The following SND1 variants were observed in gnomAD, a reference collection of about 807,000 sequenced individuals.
SND1 encodes staphylococcal nuclease and tudor domain containing 1, also known as staphylococcal nuclease domain-containing protein 1.
Under a neutral mutation model 121.7 loss-of-function variants are expected in SND1, and 38 were observed. The observed-to-expected ratio is 0.31, with a 90% CI of 0.24 to 0.41. The LOEUF (loss-of-function observed/expected upper bound fraction) is 0.41. Among genes scored for constraint, SND1 ranks in the 10% least tolerant of loss-of-function variants. The pLI is 1.00. For missense variants in SND1, 868 were observed against 1,184.6 expected (o/e 0.73, Z 3.92); for synonymous variants, 401 against 447.4 (o/e 0.90, Z 1.31).
intron 5 of SND1, 65 bp from the exon 6 acceptor site, chr7:127,702,370 T>C (rs1015954156): frequency 2.1e-6 from 3 of 1,439,972 alleles, no homozygotes; most frequent in Non-Finnish European, 2.9e-6. Flanking sequence ...TGCAGTTTGA[T>C]TGGGCAGTGT....
chr7:127,758,781 C>T (rs768908428), intron 10 of SND1, among the ~76,000 whole-genome samples: 7 of 152,092 alleles, frequency 4.6e-5, no homozygotes, highest in South Asian at 2.1e-4. Context: ...AGGCTAGGCA[C>T]GGTGGCTCAT....
At chr7:127,920,417 A>G (rs1584666960) in intron 14 of SND1, among the ~76,000 whole-genome samples, 7 of 152,174 alleles carry the variant, frequency 4.6e-5, no homozygotes, top group Admixed American at 3.9e-4. Flanking sequence ...AGGAGGATGG[A>G]AGAACTCTTG....
chr7:127,991,402 CAG>C (rs920594845), intron 16 of SND1, among the ~76,000 whole-genome samples: 44 of 152,154 alleles, frequency 2.9e-4, no homozygotes, highest in African/African-American at 1.0e-3. Context: ...CTAACCCTGT[CAG>C]GGGCCAATTT....
intron 14 of SND1, among the ~76,000 whole-genome samples, chr7:127,927,842 G>T (rs1247794528): frequency 6.6e-6 from 1 of 152,192 alleles, no homozygotes; most frequent in Non-Finnish European, 1.5e-5. Context: ...AAATAGCTCT[G>T]TTGTTAGAAG....
rs1257815443 is a variant in SND1, at chr7:127,808,156, A to AG, written c.1242+583_1242+584insG. ...CATGTGCAGATTTTTGTGTAGCTTG[A>AG]TGGCTTCTTTTTTTTTTTTTTTTTG... On this transcript the variant is annotated intron_variant, in intron 11 of 23. Coordinates refer to ENST00000354725, the MANE Select transcript of SND1 (RefSeq NM_014390.4). Among the ~76,000 whole-genome samples the AG allele has an allele frequency of 2.1e-4, 28 of 134,214 alleles. No homozygotes were observed. In the East Asian group the frequency reaches 2.2e-3, roughly 10 times the overall value. 88.0% of individuals were successfully genotyped at this position (134,214 alleles called of 152,430 possible). A position where few individuals can be genotyped will look rare whatever the true frequency, so the allele number is the denominator to read the frequency against.
chr7:128,028,839 A>G, intron 16 of SND1: 1 of 1,614,132 alleles, frequency 6.2e-7, no homozygotes, highest in Non-Finnish European at 8.5e-7. Flanking sequence ...ATGGTCATGA[A>G]TTGTGGGCAG....
At position 128,015,934 on chromosome 7, in the gene SND1, T is replaced by C. The variant is rs1803214631; in HGVS notation, c.1779+24878T>C. The stretch of plus-strand genomic sequence containing the variant: ...TTCCACTTTAGATAGGGCCATGCAA[T>C]GTAAATACATTATTTGTATTTACAT... On this transcript the variant is annotated intron_variant, in intron 16 of 23. Transcript: ENST00000354725. The surrounding 1 kb of genome is among the most constrained non-coding windows in gnomAD (Gnocchi z 4.5). Among the ~76,000 whole-genome samples, 1 of 152,180 alleles carries C rather than the reference T, an allele frequency of 6.6e-6. No homozygotes were observed. The highest frequency in any genetic ancestry group is 2.1e-4 in the South Asian group (1 of 4,836).
chr7:127,847,219 C>G (rs76017462), intron 12 of SND1, among the ~76,000 whole-genome samples: 2,587 of 152,166 alleles, frequency 0.017, 92 homozygotes, highest in African/African-American at 0.059. Flanking sequence ...TTGCAGTGAG[C>G]CGAGATCATG....
chr7:127,845,682 C>T (rs916671526), intron 12 of SND1, among the ~76,000 whole-genome samples: 3 of 152,208 alleles, frequency 2.0e-5, no homozygotes, highest in African/African-American at 7.2e-5. Context: ...AGAAAGCCAT[C>T]TCCATAGATA....
At chr7:128,000,076 C>CT (rs1802785897) in intron 16 of SND1, 1 of 49,720 alleles carries the variant, frequency 2.0e-5, no homozygotes, top group Admixed American at 2.8e-4. Context: ...TGAGTGTTCT[C>CT]TAAAAAAAAA....
At chr7:127,724,085 A>C (rs34188289) in intron 10 of SND1, among the ~76,000 whole-genome samples, 1 of 152,172 alleles carries the variant, frequency 6.6e-6, no homozygotes, top group African/African-American at 2.4e-5. Flanking sequence ...TTGTTGGTAC[A>C]TATTTACAGA....
chr7:127,681,936 C>T (rs1411252256), intron 1 of SND1, among the ~76,000 whole-genome samples: 3 of 152,132 alleles, frequency 2.0e-5, no homozygotes, highest in South Asian at 2.1e-4. Flanking sequence ...TGGATATGCC[C>T]GTTAAACCAG....
intron 10 of SND1, among the ~76,000 whole-genome samples, chr7:127,793,600 A>T (rs1023556801): frequency 6.6e-6 from 1 of 152,170 alleles, no homozygotes; most frequent in African/African-American, 2.4e-5. Flanking sequence ...ACATAAAAAC[A>T]TTGTTAAACA....
intron 10 of SND1, among the ~76,000 whole-genome samples, chr7:127,736,267 T>C (rs891934937): frequency 2.0e-5 from 3 of 152,288 alleles, no homozygotes; most frequent in Admixed American, 6.5e-5. Context: ...AAGAAGAAAA[T>C]ACAAATTACT....
chr7:128,024,301 CGTGAACA>C (rs1563091954), intron 16 of SND1, among the ~76,000 whole-genome samples: 1 of 152,100 alleles, frequency 6.6e-6, no homozygotes, highest in African/African-American at 2.4e-5. Context: ...TTAGAAATGG[CGTGAACA>C]GTGCCTGCAT....
intron 10 of SND1, among the ~76,000 whole-genome samples, chr7:127,777,066 T>C (rs1017652496): frequency 1.3e-5 from 2 of 152,244 alleles, no homozygotes; most frequent in African/African-American, 4.8e-5. Flanking sequence ...TGGGCCCTTT[T>C]CATCCTCAGT....
intron 14 of SND1, among the ~76,000 whole-genome samples, chr7:127,907,263 T>A (rs1800360204): frequency 6.6e-6 from 1 of 152,178 alleles, no homozygotes; most frequent in Non-Finnish European, 1.5e-5. Flanking sequence ...CAGTGTTAAG[T>A]CTGTGTGTAT....
chr7:127,819,418 C>G (rs1422805730), intron 11 of SND1, among the ~76,000 whole-genome samples: 1 of 152,168 alleles, frequency 6.6e-6, no homozygotes, highest in Non-Finnish European at 1.5e-5. Context: ...AAAAGATGAT[C>G]TTACTAAGGT....
intron 16 of SND1, among the ~76,000 whole-genome samples, chr7:128,068,603 T>C (rs979076489): frequency 2.0e-5 from 3 of 152,202 alleles, no homozygotes; most frequent in Non-Finnish European, 4.4e-5. Flanking sequence ...GCACTGAGAC[T>C]GCTCAGAAAG....
Sources: gnomAD v4.1 joint callset for allele counts (sites outside exome capture counted in the v4.1 genomes callset) on GRCh38, gnomAD v4.1.1 for gene constraint, Gnocchi (gnomAD v3.1) non-coding constraint, MANE v1.5 for transcripts, NCBI Gene and HGNC (gene_info 2026-07-23, HGNC 2026-07-21) for gene names.